GSTO1: variants seen among roughly 807,000 people sequenced by gnomAD.
The protein encoded by GSTO1 is glutathione S-transferase omega-1.
GSTO1 carries 27 observed loss-of-function variants against 23.8 expected under a neutral mutation model. The ratio of observed to expected loss-of-function variants is 1.13; its 90% CI spans 0.83 to 1.56. The LOEUF (loss-of-function observed/expected upper bound fraction) is 1.56. GSTO1 is among the 40% of genes most tolerant of loss of function. GSTO1 has a pLI of 0.00. For missense variants in GSTO1, 255 were observed against 285.8 expected (o/e 0.89, Z 0.78); for synonymous variants, 105 against 109.3 (o/e 0.96, Z 0.25).
intron 2 of GSTO1, among the ~76,000 whole-genome samples, chr10:104,257,454 C>T (rs1356274725): frequency 6.6e-6 from 1 of 151,918 alleles, no homozygotes; most frequent in Admixed American, 6.6e-5. Flanking sequence ...AATCTTCTCA[C>T]CTCAGCATCC....
intron 2 of GSTO1, among the ~76,000 whole-genome samples, chr10:104,256,583 C>T (rs895612754): frequency 6.6e-6 from 1 of 152,152 alleles, no homozygotes; most frequent in Admixed American, 6.5e-5. Flanking sequence ...AGGTCTACTA[C>T]ATTAATAGAC....
At chr10:104,254,686 T>C (rs45487498), upstream of GSTO1, 16,577 of 581,380 alleles carry the variant, frequency 0.029, 2,216 homozygotes, top group African/African-American at 0.29. Context: ...TTTATAACTT[T>C]TGTGTATCTC....
intron 2 of GSTO1, among the ~76,000 whole-genome samples, chr10:104,258,984 A>G (rs2075679190): frequency 6.6e-6 from 1 of 152,254 alleles, no homozygotes; most frequent in Non-Finnish European, 1.5e-5. Flanking sequence ...CAAGATGACT[A>G]TAATGAAAAA....
chr10:104,258,763 G>A (rs886476699), intron 2 of GSTO1, among the ~76,000 whole-genome samples: 1 of 152,078 alleles, frequency 6.6e-6, no homozygotes, highest in African/African-American at 2.4e-5. Context: ...TAGGAGGATC[G>A]CTTTAGCCCA....
chr10:104,255,831 T>G (rs1473583292), intron 2 of GSTO1, among the ~76,000 whole-genome samples: 1 of 152,230 alleles, frequency 6.6e-6, no homozygotes, highest in African/African-American at 2.4e-5. Flanking sequence ...CTCATCCTTC[T>G]GCAGAGCCTG....
chr10:104,258,800 A>T (rs10883990), intron 2 of GSTO1, among the ~76,000 whole-genome samples: 1 of 152,100 alleles, frequency 6.6e-6, no homozygotes, highest in African/African-American at 2.4e-5. Flanking sequence ...GTGAGCTGCG[A>T]TCAAGCCACT....
intron 3 of GSTO1, 88 bp downstream of exon 3, chr10:104,259,886 G>C: frequency 1.2e-6 from 1 of 855,194 alleles, no homozygotes; most frequent in South Asian, 1.6e-5. Context: ...CAGTGATTTG[G>C]GAGAGAAAAA....
At chr10:104,265,169 A>G (rs2135066385) in intron 4 of GSTO1, among the ~76,000 whole-genome samples, 1 of 152,372 alleles carries the variant, frequency 6.6e-6, no homozygotes, top group African/African-American at 2.4e-5. Flanking sequence ...GCATAAAAAC[A>G]CAACACGTTT....
At chr10:104,265,957 A>G in intron 4 of GSTO1, 127 bp from the exon 5 acceptor site, 11 of 531,086 alleles carry the variant, frequency 2.1e-5, no homozygotes, top group Non-Finnish European at 3.8e-5. Flanking sequence ...TCAGAAAAAA[A>G]CCCAACTTGG....
At position 104,266,282 on chromosome 10, in the gene GSTO1, A is replaced by G. The variant is rs1337129711; in HGVS notation, c.572+92A>G. 6.9e-6 allele frequency: 5 copies of G among 720,636 alleles called. No individual in the cohort carries two copies. In the Admixed American group the frequency reaches 7.9e-5, roughly 11 times the overall value. The allele number at this position is 720,636 out of a possible 1,614,324, so 44.6% of individuals were successfully genotyped here. ...TTTATAACAGAAGTTGAAATATTTAATACAACTGGTCTGAATGAGAACAAG... is the reference window on the plus strand; with the variant it reads ...TTTATAACAGAAGTTGAAATATTTAGTACAACTGGTCTGAATGAGAACAAG... On this transcript the variant is annotated intron_variant, in intron 5 of 5. Coordinates refer to ENST00000369713, the MANE Select transcript of GSTO1 (RefSeq NM_004832.3).
chr10:104,267,419 C>T lies in GSTO1; in HGVS notation c.*14C>T. 5 of 1,571,800 alleles carry T rather than the reference C, an allele frequency of 3.2e-6. No homozygotes were observed. Among genetic ancestry groups the T allele is most frequent in the Non-Finnish European group, 4.3e-6 (5 of 1,161,518 alleles). On this transcript the variant is annotated 3_prime_UTR_variant, in exon 6 of 6. Transcript: ENST00000369713. ...TATGGGCTCTGAAGGGGGCAGGAGTCAGCAATAAAGCTATGTCTGATATTT... is the reference window on the plus strand; with the variant it reads ...TATGGGCTCTGAAGGGGGCAGGAGTTAGCAATAAAGCTATGTCTGATATTT...
rs764539556 is a variant in GSTO1 at position 104,259,726 on chromosome 10, AG to A, written c.297del (p.Lys100ArgfsTer16). ...GTGAGTACCTGGATGAAGCATACCCAGGGAAGAAGCTGTTGCCGGATGACCC... is the reference window on the plus strand; with the variant it reads ...GTGAGTACCTGGATGAAGCATACCCAGGAAGAAGCTGTTGCCGGATGACCC... ...TCEYLDEAYP[G>X]KKLLPDDPYE... On this transcript the variant is annotated frameshift_variant, in exon 3 of 6. Transcript: ENST00000369713. LOFTEE classifies it high-confidence loss of function. 2 of 1,613,918 alleles carry A rather than the reference AG, an allele frequency of 1.2e-6. No homozygotes were observed. The highest frequency in any genetic ancestry group is 1.7e-6 in the Non-Finnish European group (2 of 1,179,786).
Position 104,263,085 on chromosome 10 carries a change from T to C in GSTO1, c.465+8T>C. ...TTTACCAAGCTAGAGGAGGTAATTA[T>C]TTCTCCTAGCTATCATCAGAGTAAA... is the stretch of plus-strand genomic sequence containing the variant. On this transcript the variant is annotated splice_region_variant and intron_variant, in intron 4 of 5. Coordinates refer to ENST00000369713, the MANE Select transcript of GSTO1 (RefSeq NM_004832.3). 9.0e-7 allele frequency: 1 copy of C among 1,114,384 alleles called. No homozygotes were observed. Among genetic ancestry groups the C allele is most frequent in the Non-Finnish European group, 1.4e-6 (1 of 733,136 alleles). The allele number at this position is 1,114,384 out of a possible 1,614,324, so 69.0% of individuals were successfully genotyped here.
chr10:104,256,262 C>G (rs1313763613), intron 2 of GSTO1, among the ~76,000 whole-genome samples: 1 of 152,124 alleles, frequency 6.6e-6, no homozygotes, highest in Non-Finnish European at 1.5e-5. Context: ...TAATGTTTCT[C>G]AAAAACACTG....
rs1290954201 is a variant in GSTO1 at position 104,266,301 on chromosome 10, G to A, written c.572+111G>A. 3.2e-5 allele frequency: 20 copies of A among 621,212 alleles called. No homozygotes were observed. In the Admixed American group the frequency reaches 4.1e-4, roughly 13 times the overall value. The allele number at this position is 621,212 out of a possible 1,614,324, so 38.5% of individuals were successfully genotyped here. On this transcript the variant is annotated intron_variant, in intron 5 of 5. Transcript: ENST00000369713. ...TATTTAATACAACTGGTCTGAATGA[G>A]AACAAGCAGACAGGGGAATCTTGGA...
rs373744909 is a variant in GSTO1, at chr10:104,260,365, CCGTT to C, written c.366+569_366+572del. ...GCAAGTTACTTATTACTTTGCCTCT[CCGTT>C]CATCATTGGTAAAATGGATATAGTA... On this transcript the variant is annotated intron_variant, in intron 3 of 5. Transcript: ENST00000369713. 2.1e-3 allele frequency among the ~76,000 whole-genome samples: 321 copies of C among 152,258 alleles called. 3 individuals carry two copies. The highest frequency in any genetic ancestry group is 7.2e-3 in the African/African-American group (300 of 41,528).
rs1564835315 is a variant in GSTO1, at chr10:104,255,170, GC to G, written c.47del (p.Pro16ArgfsTer14). The G allele has an allele frequency of 6.2e-7, 1 of 1,612,256 alleles. No homozygotes were observed. Among genetic ancestry groups the G allele is most frequent in the Non-Finnish European group, 8.5e-7 (1 of 1,178,598 alleles). ...SARSLGKGSA[P>X]PGPVPEGSIR... Reference sequence around the variant, plus strand: ...TTCGCTTCTCCCCGGCAGGAAGCGCGCCCCCGGGGCCGGTCCCGGAGGGCTC... The same window carrying G: ...TTCGCTTCTCCCCGGCAGGAAGCGCGCCCCGGGGCCGGTCCCGGAGGGCTC... On this transcript the variant is annotated frameshift_variant, in exon 2 of 6. Coordinates refer to ENST00000369713, the MANE Select transcript of GSTO1 (RefSeq NM_004832.3). LOFTEE classifies it high-confidence loss of function.
intron 5 of GSTO1, among the ~76,000 whole-genome samples, chr10:104,266,905 T>G (rs903424116): frequency 3.9e-5 from 6 of 152,180 alleles, no homozygotes; most frequent in Admixed American, 1.3e-4. Context: ...GATAGAGCTA[T>G]TCAGGGTTAC....
chr10:104,259,212 G>A (rs987183834), intron 2 of GSTO1, among the ~76,000 whole-genome samples: 1 of 152,198 alleles, frequency 6.6e-6, no homozygotes, highest in Non-Finnish European at 1.5e-5. Context: ...GTAGACTGCA[G>A]CACTGTTCAC....
Sources: allele counts gnomAD v4.1 joint callset (sites outside exome capture counted in the v4.1 genomes callset), GRCh38; gene constraint gnomAD v4.1.1; transcripts MANE v1.5; gene names NCBI Gene and HGNC (gene_info 2026-07-23, HGNC 2026-07-21).